WASHC4: variants seen among roughly 807,000 people sequenced by gnomAD.
WASHC4 encodes the protein WASH complex subunit 4, also known as WASH complex subunit 7.
Under a neutral mutation model 166.6 loss-of-function variants are expected in WASHC4, and 86 were observed. The observed-to-expected ratio is 0.52, with a 90% CI of 0.43 to 0.62. The LOEUF is 0.62. WASHC4 is among the 20% of genes least tolerant of loss of function. The pLI is 0.00. For missense variants in WASHC4, 1,262 were observed against 1,382.4 expected (o/e 0.91, Z 1.38); for synonymous variants, 446 against 451.6 (o/e 0.99, Z 0.16).
chr12:105,132,600 G>A (rs1487450704), intron 13 of WASHC4, among the ~76,000 whole-genome samples: 1 of 152,218 alleles, frequency 6.6e-6, no homozygotes, highest in Non-Finnish European at 1.5e-5. Context: ...ATCCCGAATA[G>A]TAGAGAGAAT....
chr12:105,148,402 G>C (rs531504915), intron 24 of WASHC4: 2 of 985,282 alleles, frequency 2.0e-6, no homozygotes, highest in African/African-American at 3.5e-5. Context: ...GACTGTGCTG[G>C]GCACTAGTGT....
chr12:105,145,336 A>G (rs549130404), intron 22 of WASHC4, among the ~76,000 whole-genome samples: 2 of 152,030 alleles, frequency 1.3e-5, no homozygotes, highest in Non-Finnish European at 2.9e-5. Context: ...TGCTAATTCA[A>G]TTAGTTAATG....
In WASHC4 at chr12:105,121,130, A is replaced by G. The variant is rs1388672050; in HGVS notation, c.591A>G (p.Leu197=). The G allele has an allele frequency of 1.9e-6, 3 of 1,613,014 alleles. No homozygotes were observed. The highest frequency in any genetic ancestry group is 2.2e-5 in the East Asian group (1 of 44,804). ...QTMYEHLGEL[L]TVLLTLDEII... ...TGTATGAGCACTTGGGAGAACTGCTAACAGTTTTGCTCACCCTGGATGAAA... is the reference window on the plus strand; with the variant it reads ...TGTATGAGCACTTGGGAGAACTGCTGACAGTTTTGCTCACCCTGGATGAAA... The change falls in exon 9 of 33, where the codon CTA becomes CTG. Residue 197 remains leucine (L), a synonymous_variant. Coordinates refer to ENST00000332180, the MANE Select transcript of WASHC4 (RefSeq NM_015275.3).
intron 26 of WASHC4, among the ~76,000 whole-genome samples, chr12:105,154,806 A>G (rs1316119519): frequency 6.6e-6 from 1 of 152,214 alleles, no homozygotes. Context: ...GCCGCTCTAT[A>G]CTAGGCTCTC....
intron 15 of WASHC4, among the ~76,000 whole-genome samples, chr12:105,138,249 G>GT (rs146215894): frequency 0.057 from 8,456 of 148,818 alleles, 790 homozygotes; most frequent in African/African-American, 0.2. Context: ...AGTTTACACA[G>GT]TAAAAAAAAA....
intron 2 of WASHC4, 70 bp from the exon 3 acceptor site, chr12:105,114,146 C>G: frequency 7.2e-7 from 1 of 1,386,580 alleles, no homozygotes; most frequent in Non-Finnish European, 1.0e-6. Flanking sequence ...AAGCTAGCCT[C>G]AATTTGTGTT....
At chr12:105,137,760 C>A in intron 14 of WASHC4, 126 bp from the exon 15 acceptor site, 2 of 740,680 alleles carry the variant, frequency 2.7e-6, no homozygotes, top group South Asian at 1.7e-5. Context: ...ATCTTAAGAG[C>A]TGGCTTTAAG....
chr12:105,134,005 A>G, intron 14 of WASHC4, 109 bp downstream of exon 14: 1 of 1,048,890 alleles, frequency 9.5e-7, no homozygotes, highest in South Asian at 1.4e-5. Flanking sequence ...TTATTAAAGC[A>G]AGTTGATTTG....
At chr12:105,140,853 T>C (rs1882781464) in intron 16 of WASHC4, 46 bp from the exon 17 acceptor site, 1 of 1,587,150 alleles carries the variant, frequency 6.3e-7, no homozygotes, top group Non-Finnish European at 8.6e-7. Flanking sequence ...TCTGAGTCTT[T>C]TGTTACTGCC....
chr12:105,165,557 A>G (rs1884761279), intron 32 of WASHC4, among the ~76,000 whole-genome samples: 1 of 152,144 alleles, frequency 6.6e-6, no homozygotes, highest in East Asian at 1.9e-4. Context: ...TTTTTGTCTT[A>G]CTCGTGCTTC....
chr12:105,125,162 C>G lies in WASHC4; in HGVS notation c.787-842C>G, dbSNP rs537760615. Among the ~76,000 whole-genome samples the G allele has an allele frequency of 7.9e-5, 12 of 152,246 alleles. No individual in the cohort carries two copies. In the East Asian group the frequency reaches 2.3e-3, roughly 29 times the overall value. ...TGATCACAGTTTTTAACCGATTGAT[C>G]TCAACTCTTGTTTACAGTTGACCCT... On this transcript the variant is annotated intron_variant, in intron 10 of 32. Transcript: ENST00000332180.
chr12:105,139,739 T>G (rs1304390671), intron 15 of WASHC4, among the ~76,000 whole-genome samples: 2 of 152,018 alleles, frequency 1.3e-5, no homozygotes, highest in Non-Finnish European at 2.9e-5. Flanking sequence ...ATTTTGGGTC[T>G]TCTTATATCC....
Position 105,149,725 on chromosome 12 carries a change from A to C in WASHC4, c.2625A>C (p.Glu875Asp), listed in dbSNP as rs747067930. 1.3e-6 allele frequency: 2 copies of C among 1,594,216 alleles called. No homozygotes were observed. The highest frequency in any genetic ancestry group is 2.2e-5 in the South Asian group (2 of 89,804). The change falls in exon 25 of 33, where the codon GAA (glutamate) becomes GAC (aspartate). Residue 875 changes from glutamate to aspartate, a missense_variant. Transcript: ENST00000332180. ...RLIKDIRFFR[E>D]IKDQNDHKYP... is the part of the protein sequence containing the mutation. ...TTAAAGATATTCGATTTTTCAGGGA[A>C]ATTAAGGACCAAAATGATCATAAGG... is the stretch of plus-strand genomic sequence containing the variant.
rs767616860 is a variant in WASHC4 at position 105,142,497 on chromosome 12, C to T, written c.1832C>T (p.Ala611Val). Reference sequence around the variant, plus strand: ...TGTTGTTTTTTATACTGGCATCGAGCTGTCTTCCCAATTTATTTAGATGAT... The same window carrying T: ...TGTTGTTTTTTATACTGGCATCGAGTTGTCTTCCCAATTTATTTAGATGAT... ...CDCCFLYWHR[A>V]VFPIYLDDVY... Residue 611 changes from alanine (A) to valine (V), a missense_variant, in exon 19 of 33, where the codon GCT (alanine) becomes GTT (valine). Transcript: ENST00000332180. The T allele has an allele frequency of 8.1e-6, 13 of 1,610,600 alleles. No homozygotes were observed. The East Asian group carries it at 1.6e-4, about 19-fold the overall frequency.
At chr12:105,161,558 C>T (rs958921823) in intron 29 of WASHC4, among the ~76,000 whole-genome samples, 22 of 152,082 alleles carry the variant, frequency 1.4e-4, no homozygotes, top group African/African-American at 5.1e-4. Context: ...TGTCAGAATT[C>T]GCTTAGTGAT....
At chr12:105,145,606 T>G (rs1196804) in intron 22 of WASHC4, among the ~76,000 whole-genome samples, 56,189 of 151,796 alleles carry the variant, frequency 0.37, 11,270 homozygotes, top group Middle Eastern at 0.54. Context: ...TGCTAGGCAC[T>G]GAACTATGTT....
chr12:105,160,219 T>C (rs1256223160), intron 29 of WASHC4, 71 bp downstream of exon 29: 5 of 1,325,244 alleles, frequency 3.8e-6, no homozygotes, highest in Non-Finnish European at 5.4e-6. Flanking sequence ...CTGGTTTCTT[T>C]GTAACACGAA....
intron 12 of WASHC4, among the ~76,000 whole-genome samples, 169 bp downstream of exon 12, chr12:105,126,531 G>C (rs1196825): frequency 7.9e-5 from 12 of 151,962 alleles, no homozygotes; most frequent in Non-Finnish European, 8.8e-5. Context: ...AAAATACGTC[G>C]TATTTCTACA....
rs748338993 is a variant in WASHC4 at position 105,149,743 on chromosome 12, T to G, written c.2643T>G (p.Asp881Glu). The change falls in exon 25 of 33, where the codon GAT becomes GAG. Residue 881 changes from aspartate (D) to glutamate (E), a missense_variant. Coordinates refer to ENST00000332180, the MANE Select transcript of WASHC4 (RefSeq NM_015275.3). ...RFFREIKDQN[D>E]HKYPFDRAEK... ...TCAGGGAAATTAAGGACCAAAATGA[T>G]CATAAGGTAGGCTACCTATTCTTTT... 1.3e-6 allele frequency: 2 copies of G among 1,595,652 alleles called. No individual in the cohort carries two copies. Among genetic ancestry groups the G allele is most frequent in the Non-Finnish European group, 8.6e-7 (1 of 1,166,222 alleles).
Sources: gnomAD v4.1 joint callset for allele counts (sites outside exome capture counted in the v4.1 genomes callset) on GRCh38, gnomAD v4.1.1 for gene constraint, MANE v1.5 for transcripts, NCBI Gene and HGNC (gene_info 2026-07-23, HGNC 2026-07-21) for gene names.